Variants in CCDC180 observed in about 807,000 individuals in gnomAD.
CCDC180 encodes the protein coiled-coil domain containing 180.
In CCDC180, 154 loss-of-function variants were observed where a neutral mutation model predicts 209.2. The observed-to-expected ratio is 0.74, with a 90% CI of 0.65 to 0.84. The LOEUF is 0.84. Ranked by LOEUF, CCDC180 falls within the 40% of genes least tolerant of loss-of-function variation. The pLI, the probability that CCDC180 is intolerant of heterozygous loss-of-function variation, is 0.00. For synonymous variants in CCDC180, 778 were observed against 749.1 expected (o/e 1.04, Z -0.63); for missense variants, 1,874 against 1,997.3 (o/e 0.94, Z 1.18).
intron 6 of CCDC180, 36 bp from the exon 7 acceptor site, chr9:97,314,582 A>G (rs1412504132): frequency 1.9e-6 from 3 of 1,613,352 alleles, no homozygotes; most frequent in Non-Finnish European, 1.7e-6. Flanking sequence ...CCTGCCTCCC[A>G]CCGGCTCCTA....
rs1267750363 is a variant in CCDC180 at position 97,309,406 on chromosome 9, G to C, written c.70-8G>C. ...CACTCCCCCATCCTTGGTCCTCCCT[G>C]GATTCAGGTGCAGCTGGTCCACTCC... On this transcript the variant is annotated splice_region_variant and splice_polypyrimidine_tract_variant and intron_variant, in intron 2 of 36. Coordinates refer to ENST00000529487, the MANE Select transcript of CCDC180 (RefSeq NM_020893.6). 1 of 1,598,382 alleles carries C rather than the reference G, an allele frequency of 6.3e-7. No homozygotes were observed.
At chr9:97,350,238 G>T (rs1195874301) in intron 21 of CCDC180, among the ~76,000 whole-genome samples, 171 bp from the exon 22 acceptor site, 1 of 148,304 alleles carries the variant, frequency 6.7e-6, no homozygotes, top group Non-Finnish European at 1.5e-5. Flanking sequence ...CCCCTCCCAT[G>T]TCCCCAGGAT....
rs370298824 is a variant in CCDC180, at chr9:97,309,507, G to T, written c.163G>T (p.Val55Leu). Reference sequence around the variant, plus strand: ...TGGCAGGATACCCATGATGAAGAAGGTGGAGACTCCTGAAGGGGAGGTGAT... The same window carrying T: ...TGGCAGGATACCCATGATGAAGAAGTTGGAGACTCCTGAAGGGGAGGTGAT... ...KSGRIPMMKK[V>L]ETPEGEVMSP... Residue 55 changes from valine to leucine, a missense_variant, in exon 3 of 37, where the codon GTG becomes TTG. Coordinates refer to ENST00000529487, the MANE Select transcript of CCDC180 (RefSeq NM_020893.6). The T allele has an allele frequency of 5.0e-6, 8 of 1,607,252 alleles. No individual in the cohort carries two copies. The African/African-American group carries it at 8.0e-5, about 16-fold the overall frequency.
intron 30 of CCDC180, 130 bp downstream of exon 30, chr9:97,365,869 C>CA (rs1484848194): frequency 8.2e-6 from 6 of 733,162 alleles, no homozygotes; most frequent in Middle Eastern, 3.8e-4. Flanking sequence ...CACAGCTCCC[C>CA]AGCTTCTGTC....
chr9:97,319,081 T>C (rs367714014), intron 10 of CCDC180, among the ~76,000 whole-genome samples: 9 of 152,108 alleles, frequency 5.9e-5, no homozygotes, highest in East Asian at 5.8e-4. Flanking sequence ...CCACTGAGTG[T>C]TCTAGATCCA....
chr9:97,369,801 C>T lies in CCDC180; in HGVS notation c.4190-121C>T, dbSNP rs1587836365. 4.7e-6 allele frequency: 5 copies of T among 1,058,630 alleles called. No homozygotes were observed. The East Asian group carries it at 1.2e-4, about 26-fold the overall frequency. The allele number at this position is 1,058,630 out of a possible 1,614,324, so 65.6% of individuals were successfully genotyped here. A position where few individuals can be genotyped will look rare whatever the true frequency, so the allele number is the denominator to read the frequency against. On this transcript the variant is annotated intron_variant, in intron 31 of 36. Transcript: ENST00000529487. ...CCTCTTTTGATGGAATAGCTCTTAC[C>T]ACGTTGGAGACCAAGATTTTCTCTT...
At chr9:97,342,297 G>T (rs1480865368) in intron 18 of CCDC180, among the ~76,000 whole-genome samples, 1 of 152,112 alleles carries the variant, frequency 6.6e-6, no homozygotes, top group Admixed American at 6.5e-5. Context: ...GTTCCTATTT[G>T]GCCATCTTGG....
chr9:97,339,010 T>G (rs1215771501), intron 18 of CCDC180, among the ~76,000 whole-genome samples: 1 of 152,114 alleles, frequency 6.6e-6, no homozygotes, highest in African/African-American at 2.4e-5. Flanking sequence ...TCCATTTGCT[T>G]GGAAGTCTTC....
chr9:97,363,606 G>A (rs774241033), intron 28 of CCDC180: 2 of 534,146 alleles, frequency 3.7e-6, no homozygotes, highest in Non-Finnish European at 7.7e-6. Flanking sequence ...TTTAGCATAA[G>A]TATGTCCCAA....
chr9:97,312,586 G>T (rs531883301), intron 4 of CCDC180, among the ~76,000 whole-genome samples: 1 of 151,908 alleles, frequency 6.6e-6, no homozygotes, highest in Non-Finnish European at 1.5e-5. Flanking sequence ...AGTAATACAC[G>T]CTCACTGAAG....
At position 97,360,634 on chromosome 9, in the gene CCDC180, G is replaced by A. The variant is rs895088315; in HGVS notation, c.3483+533G>A. The stretch of plus-strand genomic sequence containing the variant: ...TCACTGGACACACAGCAGCCTCCAC[G>A]GCTTGTCCTCCATGCCTCTTCATCC... On this transcript the variant is annotated intron_variant, in intron 26 of 36. Transcript: ENST00000529487. 5.9e-5 allele frequency among the ~76,000 whole-genome samples: 9 copies of A among 152,228 alleles called. No individual in the cohort carries two copies. The East Asian group carries it at 1.5e-3, about 26-fold the overall frequency.
Position 97,376,787 on chromosome 9 carries a change from G to A in CCDC180, c.4867G>A (p.Glu1623Lys), listed in dbSNP as rs765900790. The A allele has an allele frequency of 6.2e-7, 1 of 1,613,330 alleles. No homozygotes were observed. Among genetic ancestry groups the A allele is most frequent in the Non-Finnish European group, 8.5e-7 (1 of 1,179,938 alleles). The change falls in exon 37 of 37, where the codon GAG (glutamate) becomes AAG (lysine). Residue 1623 changes from glutamate (E) to lysine (K), a missense_variant. Coordinates refer to ENST00000529487, the MANE Select transcript of CCDC180 (RefSeq NM_020893.6). ...GAAATATTTAGCATCATTTGAGGAG[G>A]AGCTAAAGAGGATCCAGGATGACTG... ...YLKYLASFEEELKRIQDDCTS... is the reference protein window; with the variant it reads ...YLKYLASFEEKLKRIQDDCTS...
At chr9:97,336,106 A>G (rs187383748) in intron 18 of CCDC180, among the ~76,000 whole-genome samples, 1 of 152,070 alleles carries the variant, frequency 6.6e-6, no homozygotes, top group Admixed American at 6.5e-5. Flanking sequence ...AGATTGCAAA[A>G]ATTTTCTCCC....
intron 18 of CCDC180, among the ~76,000 whole-genome samples, chr9:97,336,009 A>G (rs1027041203): frequency 6.6e-6 from 1 of 152,156 alleles, no homozygotes; most frequent in African/African-American, 2.4e-5. Flanking sequence ...TCCTTTGCCC[A>G]CTTTTTAATG....
chr9:97,366,332 A>G lies in CCDC180; in HGVS notation c.4048-227A>G, dbSNP rs959426499. Among the ~76,000 whole-genome samples, 17 of 152,186 alleles carry G rather than the reference A, an allele frequency of 1.1e-4. 1 individual carries two copies. Among genetic ancestry groups the G allele is most frequent in the African/African-American group, 3.9e-4 (16 of 41,454 alleles). On this transcript the variant is annotated intron_variant, in intron 30 of 36. Transcript: ENST00000529487. This position sits in a 1 kb window ranked among gnomAD's most constrained non-coding sequence, Gnocchi z 4.3. ...TAAATAGGATTCTTGCCAGTCACTC[A>G]TTCAGGAAATAACGAGGGCTGGCCA...
In CCDC180 at chr9:97,361,762, A is replaced by G; in HGVS notation, c.3520A>G (p.Ile1174Val). ...GAAGGACCAGGAGGAAGACAGTGAC[A>G]TCCTGACATCTTCAGAAGCCCTTGA... ...ILKDQEEDSD[I>V]LTSSEALEEE... The change falls in exon 27 of 37, where the codon ATC (isoleucine) becomes GTC (valine). Residue 1174 changes from isoleucine (I) to valine (V), a missense_variant. Coordinates refer to ENST00000529487, the MANE Select transcript of CCDC180 (RefSeq NM_020893.6). 1.2e-6 allele frequency: 2 copies of G among 1,614,154 alleles called. No homozygotes were observed. The highest frequency in any genetic ancestry group is 1.7e-6 in the Non-Finnish European group (2 of 1,180,016).
chr9:97,371,127 C>T (rs10981811), intron 33 of CCDC180: 1 of 170,324 alleles, frequency 5.9e-6, no homozygotes, highest in African/African-American at 2.4e-5. Flanking sequence ...CCGCGCCCGG[C>T]TAATTTTTTT....
chr9:97,308,819 A>G (rs1184057239), intron 2 of CCDC180, among the ~76,000 whole-genome samples: 2 of 152,214 alleles, frequency 1.3e-5, no homozygotes, highest in Non-Finnish European at 1.5e-5. Flanking sequence ...CAAAACAACA[A>G]TTACATCACT....
At chr9:97,319,717 G>C (rs554191828) in intron 10 of CCDC180, among the ~76,000 whole-genome samples, 1 of 152,228 alleles carries the variant, frequency 6.6e-6, no homozygotes, top group Admixed American at 6.5e-5. Flanking sequence ...GCTGTACTTA[G>C]TTTTCTACTG....
Sources: allele counts gnomAD v4.1 joint callset (sites outside exome capture counted in the v4.1 genomes callset), GRCh38; gene constraint gnomAD v4.1.1; non-coding constraint Gnocchi (gnomAD v3.1); transcripts MANE v1.5; gene names NCBI Gene and HGNC (gene_info 2026-07-23, HGNC 2026-07-21).